The following SAA2 variants were observed in gnomAD, a reference collection of about 807,000 sequenced individuals.
The protein encoded by SAA2 is serum amyloid A2.
Under a neutral mutation model 9.1 loss-of-function variants are expected in SAA2, and 5 were observed. The ratio of observed to expected loss-of-function variants is 0.55; its 90% CI spans 0.29 to 1.16. The LOEUF (loss-of-function observed/expected upper bound fraction) is 1.16. SAA2 is among the 50% of genes most tolerant of loss of function. The pLI is 0.09. For synonymous variants in SAA2, 49 were observed against 59.8 expected, an observed-to-expected ratio of 0.82 and a Z score of 0.83; for missense variants, 94 against 153.8, an observed-to-expected ratio of 0.61 and a Z score of 2.06.
chr11:18,246,081 A>C (rs1220356637), intron 2 of SAA2, 33 bp from the exon 3 acceptor site: 1 of 1,606,404 alleles, frequency 6.2e-7, no homozygotes, highest in South Asian at 1.1e-5. Flanking sequence ...AAGGGACATC[A>C]GGAGAACATA....
At chr11:18,243,537 G>A (rs2460824), downstream of SAA2, among the ~76,000 whole-genome samples, 4 of 152,254 alleles carry the variant, frequency 2.6e-5, no homozygotes, top group East Asian at 7.7e-4. Context: ...AATCTTCCAC[G>A]CCTCTCTCCA....
chr11:18,246,515 G>A (rs918293036), intron 2 of SAA2, among the ~76,000 whole-genome samples: 10 of 152,282 alleles, frequency 6.6e-5, no homozygotes, highest in Non-Finnish European at 1.3e-4. Context: ...GCGGTTCTCC[G>A]CCGTGGTTGC....
At position 18,246,056 on chromosome 11, in the gene SAA2, G is replaced by C. The variant is rs1282309313; in HGVS notation, c.92-8C>G. The C allele has an allele frequency of 6.2e-7, 1 of 1,612,388 alleles. No homozygotes were observed. The highest frequency in any genetic ancestry group is 1.7e-5 in the Admixed American group (1 of 59,622). On this transcript the variant is annotated splice_region_variant and splice_polypyrimidine_tract_variant and intron_variant, in intron 2 of 3. Coordinates refer to ENST00000256733, the MANE Select transcript of SAA2 (RefSeq NM_030754.5). ...TCCACATGTCCCGAGCCCCTGGAAAGGAAAGGAAAGGCAGAAGGGACATCA... is the reference window on the plus strand; with the variant it reads ...TCCACATGTCCCGAGCCCCTGGAAACGAAAGGAAAGGCAGAAGGGACATCA...
At position 18,246,043 on chromosome 11, in the gene SAA2, G is replaced by A. The variant is rs762672586; in HGVS notation, c.97C>T (p.Arg33Trp). The A allele has an allele frequency of 2.4e-5, 38 of 1,610,312 alleles. No homozygotes were observed. The highest frequency in any genetic ancestry group is 1.6e-4 in the Middle Eastern group (1 of 6,080). ...TCAGAGTAGGCTCTCCACATGTCCCGAGCCCCTGGAAAGGAAAGGAAAGGC... is the reference window on the plus strand; with the variant it reads ...TCAGAGTAGGCTCTCCACATGTCCCAAGCCCCTGGAAAGGAAAGGAAAGGC... The part of the protein sequence containing the change: ...SFLGEAFDGA[R>W]DMWRAYSDMR... The change falls in exon 3 of 4, where the codon CGG (arginine) becomes TGG (tryptophan). Residue 33 changes from arginine (R) to tryptophan (W), a missense_variant. By Grantham distance (101) the Arg-to-Trp change is moderately radical. Around this residue, in one of 2 missense-constraint regions of SAA2, gnomAD observed 32 missense variants for 95.5 expected, o/e 0.34. Coordinates refer to ENST00000256733, the MANE Select transcript of SAA2 (RefSeq NM_030754.5).
At chr11:18,241,442 A>G (rs77791465), downstream of SAA2, among the ~76,000 whole-genome samples, 8 of 152,334 alleles carry the variant, frequency 5.3e-5, no homozygotes, top group African/African-American at 1.9e-4. Flanking sequence ...GCATGTATTT[A>G]TCACAACACT....
At chr11:18,239,116 A>C (rs1267595212), downstream of SAA2, 1 of 152,220 alleles carries the variant, frequency 6.6e-6, no homozygotes, top group Non-Finnish European at 1.5e-5. Context: ...ACCGTAATAT[A>C]TACAGTATGT....
intron 2 of SAA2, among the ~76,000 whole-genome samples, chr11:18,246,893 T>C (rs1293527002): frequency 6.6e-6 from 1 of 152,206 alleles, no homozygotes; most frequent in Non-Finnish European, 1.5e-5. Flanking sequence ...GGCCAGTTTC[T>C]GCAGACTCTG....
exon 4 of SAA2, chr11:18,239,231 C>T (rs895527927): frequency 1.3e-5 from 2 of 152,864 alleles, no homozygotes; most frequent in African/African-American, 4.8e-5. Context: ...TTATCACATA[C>T]AAAATTCTCA....
intron 3 of SAA2, chr11:18,240,095 A>C: frequency 7.5e-7 from 1 of 1,324,736 alleles, no homozygotes; most frequent in East Asian, 2.5e-5. Context: ...ACTATTCTTC[A>C]TAGGGGAGGA....
chr11:18,240,517 T>A (rs1857316877), downstream of SAA2, among the ~76,000 whole-genome samples: 5 of 152,172 alleles, frequency 3.3e-5, no homozygotes, highest in Admixed American at 3.3e-4. Flanking sequence ...ATGGTACTGG[T>A]ATAAAAATAG....
chr11:18,241,555 C>G (rs1857345931), downstream of SAA2, among the ~76,000 whole-genome samples: 1 of 152,056 alleles, frequency 6.6e-6, no homozygotes, highest in African/African-American at 2.4e-5. Flanking sequence ...CATATATACA[C>G]CATAGAATAC....
At chr11:18,239,118 A>G (rs1303661025), downstream of SAA2, 1 of 152,238 alleles carries the variant, frequency 6.6e-6, no homozygotes, top group East Asian at 1.9e-4. Flanking sequence ...CGTAATATAT[A>G]CAGTATGTTT....
chr11:18,245,191 T>C (rs1419001303), downstream of SAA2: 2 of 1,382,570 alleles, frequency 1.4e-6, no homozygotes, highest in African/African-American at 2.9e-5. Context: ...TTCCCTTTTG[T>C]ACCAAACAGG....
At chr11:18,246,818 C>A (rs1459916532) in intron 2 of SAA2, among the ~76,000 whole-genome samples, 1 of 152,192 alleles carries the variant, frequency 6.6e-6, no homozygotes, top group East Asian at 1.9e-4. Context: ...CAGGCGTGAG[C>A]CTTGGCTGCA....
chr11:18,243,192 G>A (rs1455241044), downstream of SAA2, among the ~76,000 whole-genome samples: 4 of 151,786 alleles, frequency 2.6e-5, no homozygotes, highest in Admixed American at 1.3e-4. Context: ...CTTTACAGAC[G>A]GATGAATGAA....
downstream of SAA2, chr11:18,242,565 G>T (rs942119013): frequency 3.6e-5 from 19 of 528,244 alleles, no homozygotes; most frequent in South Asian, 3.9e-4. Context: ...ATAACAGTAG[G>T]CTGGGCTCAG....
chr11:18,242,899 C>CTTTCTCAAACTT, downstream of SAA2: 1 of 670,512 alleles, frequency 1.5e-6, no homozygotes, highest in Non-Finnish European at 2.7e-6. Flanking sequence ...TGCAATTTCC[C>CTTTCTCAAACTT]TTTCTCAAAC....
At position 18,247,948 on chromosome 11, in the gene SAA2, A is replaced by G; in HGVS notation, c.64T>C (p.Phe22Leu). The G allele has an allele frequency of 6.2e-7, 1 of 1,613,848 alleles. No homozygotes were observed. The highest frequency in any genetic ancestry group is 1.1e-5 in the South Asian group (1 of 91,018). Residue 22 changes from phenylalanine (F) to leucine (L), a missense_variant, in exon 2 of 4, where the codon TTT becomes CTT. Coordinates refer to ENST00000256733, the MANE Select transcript of SAA2 (RefSeq NM_030754.5). ...LVLSVSSRSF[F>L]SFLGEAFDGA... The stretch of plus-strand genomic sequence containing the variant: ...TCAAAAGCCTCGCCAAGGAACGAAA[A>G]GAAGCTTCGGCTGCTGACACTCAGG...
chr11:18,241,816 G>GT (rs1857354942), downstream of SAA2, among the ~76,000 whole-genome samples: 1 of 152,110 alleles, frequency 6.6e-6, no homozygotes, highest in African/African-American at 2.4e-5. Flanking sequence ...CTCTACTTGG[G>GT]TGATGGTTAC....
Sources: gnomAD v4.1 joint callset for allele counts (sites outside exome capture counted in the v4.1 genomes callset) on GRCh38, gnomAD v4.1.1 for gene constraint, gnomAD v4.1.1 regional missense constraint, MANE v1.5 for transcripts, NCBI Gene and HGNC (gene_info 2026-07-23, HGNC 2026-07-21) for gene names.